The following RSF1 variants were observed in gnomAD, a reference collection of about 807,000 sequenced individuals.
RSF1 encodes the protein remodeling and spacing factor 1.
In RSF1, 13 loss-of-function variants were observed where a neutral mutation model predicts 145.2. The ratio of observed to expected loss-of-function variants is 0.09; its 90% CI spans 0.06 to 0.14. RSF1 has a LOEUF of 0.14. Ranked by LOEUF, RSF1 falls within the 10% of genes least tolerant of loss-of-function variation. The pLI, the probability that RSF1 is intolerant of heterozygous loss-of-function variation, is 1.00. For missense variants in RSF1, 1,517 were observed against 1,718.2 expected, an observed-to-expected ratio of 0.88 and a Z score of 2.07; for synonymous variants, 577 against 592.6, an observed-to-expected ratio of 0.97 and a Z score of 0.38.
chr11:77,806,936 C>T (rs966383514), intron 1 of RSF1, among the ~76,000 whole-genome samples: 1 of 152,118 alleles, frequency 6.6e-6, no homozygotes, highest in Non-Finnish European at 1.5e-5. Context: ...ATTCATTCAG[C>T]TAACATTTGA....
chr11:77,754,122 G>A (rs1481921118), intron 2 of RSF1, among the ~76,000 whole-genome samples: 2 of 152,136 alleles, frequency 1.3e-5, no homozygotes, highest in Non-Finnish European at 2.9e-5. Context: ...ACATGGGCAG[G>A]GGGCATTGAT....
rs148353052 is a variant in RSF1, at chr11:77,667,308, T to C, written c.3935A>G (p.Asp1312Gly). 6.2e-6 allele frequency: 10 copies of C among 1,614,078 alleles called. No homozygotes were observed. In the African/African-American group the frequency reaches 1.3e-4, roughly 22 times the overall value. Residue 1312 changes from aspartate to glycine, a missense_variant, in exon 16 of 16, where the codon GAC (aspartate) becomes GGC (glycine). Asp to Gly is a moderately conservative substitution (Grantham distance 94, BLOSUM62 -1). Transcript: ENST00000308488. ...RIETDEEESC[D>G]NAHGDANQPA... ...CTGATTTGCATCTCCATGAGCATTG[T>C]CACAACTCTCCTCCTCATCCGTCTC...
the RSF1 span, among the ~76,000 whole-genome samples, chr11:77,848,462 A>G: frequency 1.3e-5 from 2 of 151,512 alleles, no homozygotes; most frequent in African/African-American, 4.9e-5. Flanking sequence ...GGTTCAAGCG[A>G]TTCTCCTACC....
chr11:77,791,292 C>A (rs1948514547), intron 1 of RSF1, among the ~76,000 whole-genome samples: 1 of 152,148 alleles, frequency 6.6e-6, no homozygotes, highest in South Asian at 2.1e-4. Context: ...TAACTTGGCC[C>A]CTTTTAGTCA....
At chr11:77,742,402 C>T (rs1222918732) in intron 3 of RSF1, among the ~76,000 whole-genome samples, 1 of 152,152 alleles carries the variant, frequency 6.6e-6, no homozygotes, top group Non-Finnish European at 1.5e-5. Flanking sequence ...GCCTCAGCCT[C>T]CTGAGTAGCT....
intron 5 of RSF1, among the ~76,000 whole-genome samples, chr11:77,720,759 G>A (rs1296354311): frequency 6.6e-6 from 1 of 152,118 alleles, no homozygotes; most frequent in Non-Finnish European, 1.5e-5. Flanking sequence ...CAAGACATAT[G>A]GAGAAAACAA....
intron 1 of RSF1, among the ~76,000 whole-genome samples, chr11:77,780,554 T>C (rs1948392099): frequency 6.6e-6 from 1 of 152,102 alleles, no homozygotes; most frequent in Admixed American, 6.5e-5. Context: ...GGCCGGGTGC[T>C]GTGGCTCACA....
At chr11:77,698,420 T>C (rs1960335079) in intron 7 of RSF1, 67 bp downstream of exon 7, 4 of 1,278,420 alleles carry the variant, frequency 3.1e-6, no homozygotes, top group South Asian at 1.2e-5. Flanking sequence ...CCAGAAGAGT[T>C]AGGCTGCTCC....
At chr11:77,868,403 G>A in the RSF1 span, among the ~76,000 whole-genome samples, 4 of 136,002 alleles carry the variant, frequency 2.9e-5, no homozygotes, top group South Asian at 9.3e-4. Flanking sequence ...TTGTTGCCCA[G>A]GCTGGAGTGC....
At chr11:77,785,476 G>T (rs560820379) in intron 1 of RSF1, among the ~76,000 whole-genome samples, 1 of 152,242 alleles carries the variant, frequency 6.6e-6, no homozygotes, top group Admixed American at 6.5e-5. Context: ...TGTAATCCCA[G>T]CTACTTAGGA....
the RSF1 span, among the ~76,000 whole-genome samples, chr11:77,840,537 A>G: frequency 1.3e-5 from 2 of 152,208 alleles, no homozygotes; most frequent in African/African-American, 2.4e-5. Context: ...TCAAAAGAAA[A>G]AAAAGTGTTT....
At chr11:77,668,964 A>G (rs778730400) in intron 15 of RSF1, among the ~76,000 whole-genome samples, 2 of 152,164 alleles carry the variant, frequency 1.3e-5, no homozygotes, top group Non-Finnish European at 2.9e-5. Flanking sequence ...AGTGTATCAA[A>G]CTGCCTACTC....
chr11:77,784,950 G>A (rs184155337), intron 1 of RSF1, among the ~76,000 whole-genome samples: 31 of 152,304 alleles, frequency 2.0e-4, no homozygotes, highest in African/African-American at 6.5e-4. Flanking sequence ...TCTGTCTTCT[G>A]CATAGCCCTC....
the RSF1 span, among the ~76,000 whole-genome samples, chr11:77,838,555 T>C: frequency 1.3e-5 from 2 of 151,980 alleles, no homozygotes; most frequent in Admixed American, 6.6e-5. Context: ...GAAACAAGTC[T>C]GTCAATATTT....
At chr11:77,817,899 G>A (rs1948797121) in intron 1 of RSF1, among the ~76,000 whole-genome samples, 1 of 152,126 alleles carries the variant, frequency 6.6e-6, no homozygotes, top group Non-Finnish European at 1.5e-5. Flanking sequence ...TAAAACGACA[G>A]AGGTTCACCC....
intron 11 of RSF1, 43 bp from the exon 12 acceptor site, chr11:77,678,196 T>A: frequency 3.4e-6 from 1 of 291,690 alleles, no homozygotes; most frequent in Non-Finnish European, 4.9e-6. Flanking sequence ...GTCCTGGCTT[T>A]TTTTTTTTTT....
At chr11:77,844,578 T>G in the RSF1 span, among the ~76,000 whole-genome samples, 10 of 152,052 alleles carry the variant, frequency 6.6e-5, no homozygotes, top group Admixed American at 3.9e-4. Flanking sequence ...CCCAGGCTGG[T>G]CTTGAACTCC....
the RSF1 span, among the ~76,000 whole-genome samples, chr11:77,860,974 A>G: frequency 1.3e-5 from 2 of 152,054 alleles, no homozygotes; most frequent in Non-Finnish European, 2.9e-5. Context: ...GCATGGTTTT[A>G]CTAGGCCGTG....
intron 2 of RSF1, among the ~76,000 whole-genome samples, chr11:77,751,016 G>A (rs1258310176): frequency 6.6e-6 from 1 of 152,056 alleles, no homozygotes; most frequent in Non-Finnish European, 1.5e-5. Flanking sequence ...CCAGTCTACT[G>A]CCATTCCAAT....
Sources: gnomAD v4.1 joint callset for allele counts (sites outside exome capture counted in the v4.1 genomes callset) on GRCh38, gnomAD v4.1.1 for gene constraint, MANE v1.5 for transcripts, NCBI Gene and HGNC (gene_info 2026-07-23, HGNC 2026-07-21) for gene names.